Variants in PITPNM3 observed in about 807,000 individuals in gnomAD.
PITPNM3 encodes membrane-associated phosphatidylinositol transfer protein 3.
In PITPNM3, 26 loss-of-function variants were observed where a neutral mutation model predicts 102.0. That is an observed-to-expected ratio of 0.25 (90% CI 0.19 to 0.35). PITPNM3 has a LOEUF of 0.35. Ranked by LOEUF, PITPNM3 falls within the 10% of genes least tolerant of loss-of-function variation. PITPNM3 has a pLI of 1.00. For synonymous variants in PITPNM3, 578 were observed against 558.6 expected (o/e 1.03, Z -0.49); for missense variants, 1,083 against 1,346.1 (o/e 0.80, Z 3.06).
intron 3 of PITPNM3, among the ~76,000 whole-genome samples, chr17:6,508,616 G>A (rs1375615681): frequency 2.6e-5 from 4 of 152,174 alleles, no homozygotes; most frequent in Admixed American, 1.3e-4. Context: ...GAGCAGAGAA[G>A]GGGACATTTG....
chr17:6,536,527 G>T (rs929673540), intron 2 of PITPNM3, among the ~76,000 whole-genome samples: 1 of 152,120 alleles, frequency 6.6e-6, no homozygotes, highest in Admixed American at 6.5e-5. Context: ...CTCAGGGAAG[G>T]GGTTCCCCGC....
intron 14 of PITPNM3, among the ~76,000 whole-genome samples, chr17:6,465,527 C>T (rs1223308572): frequency 1.3e-5 from 2 of 152,130 alleles, no homozygotes; most frequent in Admixed American, 6.5e-5. Context: ...TTCAAATGCA[C>T]AAGCATAGAG....
intron 4 of PITPNM3, among the ~76,000 whole-genome samples, chr17:6,493,880 TG>T (rs1460002472): frequency 1.3e-5 from 2 of 152,194 alleles, no homozygotes; most frequent in Non-Finnish European, 2.9e-5. Flanking sequence ...ACAGTTCTCA[TG>T]GGGGATCCCA....
At chr17:6,500,789 C>G (rs1353468674) in intron 4 of PITPNM3, among the ~76,000 whole-genome samples, 1 of 152,040 alleles carries the variant, frequency 6.6e-6, no homozygotes, top group Non-Finnish European at 1.5e-5. Context: ...AATTCTTCTG[C>G]CTCAGCCTCC....
intron 2 of PITPNM3, among the ~76,000 whole-genome samples, chr17:6,529,887 T>C (rs1909049773): frequency 1.3e-5 from 2 of 150,170 alleles, no homozygotes; most frequent in East Asian, 3.9e-4. Flanking sequence ...CCCAGACATG[T>C]TGGGGCTGGT....
At chr17:6,535,785 T>C (rs910594338) in intron 2 of PITPNM3, among the ~76,000 whole-genome samples, 5 of 147,558 alleles carry the variant, frequency 3.4e-5, no homozygotes, top group African/African-American at 1.3e-4. Flanking sequence ...TAGCCAGGTA[T>C]GGTGGTGCCT....
Position 6,503,548 on chromosome 17 carries a change from T to C in PITPNM3, c.253A>G (p.Ser85Gly), listed in dbSNP as rs1008342844. ...TCACGCTGCTTCTCCTGGAGGATGC[T>C]GGATGTGCACGGCGCGGTCCCTTCT... ...QGEGTAPCTS[S>G]ILQEKQRELY... The change falls in exon 4 of 20, where the codon AGC (serine) becomes GGC (glycine). Residue 85 changes from serine to glycine, a missense_variant. Physicochemically the swap from Ser to Gly is moderately conservative, Grantham distance 56. This residue lies in a region of PITPNM3 where 290 missense variants were observed against 337.8 expected (regional missense o/e 0.86). Transcript: ENST00000262483. 6.2e-7 allele frequency: 1 copy of C among 1,612,564 alleles called. No homozygotes were observed. Among genetic ancestry groups the C allele is most frequent in the East Asian group, 2.2e-5 (1 of 44,876 alleles).
Position 6,491,018 on chromosome 17 carries a change from G to A in PITPNM3, c.275-6726C>T, listed in dbSNP as rs1167889077. On this transcript the variant is annotated intron_variant, in intron 4 of 19. Coordinates refer to ENST00000262483, the MANE Select transcript of PITPNM3 (RefSeq NM_031220.4). The stretch of plus-strand genomic sequence containing the variant: ...GGGGAGGGGAGGGAAGGGGAGGAAA[G>A]GGGAGGGGAGGAGAGGAAAGGGGAG... 6.2e-5 allele frequency among the ~76,000 whole-genome samples: 5 copies of A among 80,172 alleles called. No individual in the cohort carries two copies. The South Asian group carries it at 3.5e-3, about 56-fold the overall frequency. The allele number at this position is 80,172 out of a possible 152,430, so 52.6% of individuals were successfully genotyped here. A position where few individuals can be genotyped will look rare whatever the true frequency, so the allele number is the denominator to read the frequency against.
At chr17:6,471,479 T>G in intron 11 of PITPNM3, 124 bp from the exon 12 acceptor site, 1 of 985,462 alleles carries the variant, frequency 1.0e-6, no homozygotes, top group South Asian at 1.7e-5. Flanking sequence ...CTCTGCTCAC[T>G]TGCCAGCCCA....
chr17:6,503,670 A>C (rs948256247), intron 3 of PITPNM3, 96 bp from the exon 4 acceptor site: 4 of 1,256,864 alleles, frequency 3.2e-6, no homozygotes, highest in Admixed American at 1.8e-5. Flanking sequence ...TCTGACCCTC[A>C]CTCTAGAGCT....
intron 11 of PITPNM3, 145 bp from the exon 12 acceptor site, chr17:6,471,500 G>T: frequency 1.2e-6 from 1 of 821,386 alleles, no homozygotes; most frequent in Non-Finnish European, 1.9e-6. Context: ...GCAGGCACCT[G>T]CCCCTCTCAC....
intron 2 of PITPNM3, among the ~76,000 whole-genome samples, chr17:6,528,443 TGTGTGCAC>T (rs1309926646): frequency 6.6e-6 from 1 of 152,084 alleles, no homozygotes; most frequent in Non-Finnish European, 1.5e-5. Flanking sequence ...TTGCTATGTG[TGTGTGCAC>T]GTGTGCACGT....
intron 10 of PITPNM3, 105 bp downstream of exon 10, chr17:6,474,327 C>G: frequency 6.9e-7 from 1 of 1,439,728 alleles, no homozygotes; most frequent in Non-Finnish European, 9.5e-7. Flanking sequence ...ACTCTGTGAC[C>G]CTCCCTGCCC....
At chr17:6,493,977 G>A (rs757868356) in intron 4 of PITPNM3, among the ~76,000 whole-genome samples, 1 of 152,190 alleles carries the variant, frequency 6.6e-6, no homozygotes, top group Non-Finnish European at 1.5e-5. Flanking sequence ...CCACGACACA[G>A]GGATGCTAGA....
chr17:6,474,363 T>C, intron 10 of PITPNM3, 69 bp downstream of exon 10: 1 of 1,554,370 alleles, frequency 6.4e-7, no homozygotes, highest in Non-Finnish European at 8.8e-7. Context: ...CTCTCCTCAT[T>C]CTGAGGCCCT....
At chr17:6,523,575 T>C (rs1372233855) in intron 3 of PITPNM3, among the ~76,000 whole-genome samples, 1 of 152,094 alleles carries the variant, frequency 6.6e-6, no homozygotes, top group South Asian at 2.1e-4. Context: ...AGCAGACAAG[T>C]GGGGATGGGG....
rs762723804 is a variant in PITPNM3, at chr17:6,537,878, C to G, written c.118+109G>C. 4.5e-6 allele frequency: 4 copies of G among 895,342 alleles called. No homozygotes were observed. The highest frequency in any genetic ancestry group is 7.3e-6 in the Non-Finnish European group (4 of 547,696). 55.5% of individuals were successfully genotyped at this position (895,342 alleles called of 1,614,324 possible). The stretch of plus-strand genomic sequence containing the variant: ...TGGGTAAGTATGGAGTGTGGAGCTG[C>G]AGATACCACGTCTGAGTGGGGAGGG... On this transcript the variant is annotated intron_variant, in intron 2 of 19. Transcript: ENST00000262483. The surrounding 1 kb of genome is among the most constrained non-coding windows in gnomAD (Gnocchi z 4.4).
intron 14 of PITPNM3, among the ~76,000 whole-genome samples, chr17:6,465,309 G>T (rs1236710571): frequency 6.6e-6 from 1 of 152,190 alleles, no homozygotes; most frequent in African/African-American, 2.4e-5. Flanking sequence ...GACTCCCAAA[G>T]TGCTGGGATT....
At chr17:6,487,053 A>C (rs559856418) in intron 4 of PITPNM3, among the ~76,000 whole-genome samples, 113 of 152,234 alleles carry the variant, frequency 7.4e-4, no homozygotes, top group African/African-American at 2.7e-3. Flanking sequence ...CCCTGAGACA[A>C]AGCGCTCATG....
Sources: allele counts gnomAD v4.1 joint callset (sites outside exome capture counted in the v4.1 genomes callset), GRCh38; gene constraint gnomAD v4.1.1; regional missense constraint gnomAD v4.1.1; non-coding constraint Gnocchi (gnomAD v3.1); transcripts MANE v1.5; gene names NCBI Gene and HGNC (gene_info 2026-07-23, HGNC 2026-07-21).